The following IL2RB variants were observed in gnomAD, a reference collection of about 807,000 sequenced individuals.
IL2RB encodes interleukin-2 receptor subunit beta.
In IL2RB, 17 loss-of-function variants were observed where a neutral mutation model predicts 44.2. That is an observed-to-expected ratio of 0.38 (90% CI 0.26 to 0.58). The LOEUF is 0.58. Among genes scored for constraint, IL2RB ranks in the 20% least tolerant of loss-of-function variants. The pLI is 0.63. For missense variants in IL2RB, 624 were observed against 685.5 expected, an observed-to-expected ratio of 0.91 and a Z score of 1.00; for synonymous variants, 286 against 297.9, an observed-to-expected ratio of 0.96 and a Z score of 0.41.
chr22:37,153,580 T>G (rs183852813), upstream of IL2RB, among the ~76,000 whole-genome samples: 83 of 152,302 alleles, frequency 5.4e-4, 2 homozygotes, highest in East Asian at 0.011. Context: ...AGAGTAAGGC[T>G]GTCTGGCGGC....
chr22:37,173,384 C>T (rs1923352149), intron 1 of IL2RB, among the ~76,000 whole-genome samples: 1 of 152,164 alleles, frequency 6.6e-6, no homozygotes, highest in East Asian at 1.9e-4. Context: ...GTGCTTAGCA[C>T]AGGGCCAAGC....
rs1014903882 is a variant in IL2RB, at chr22:37,128,881, G to A, written c.904-33C>T. 1.3e-6 allele frequency: 2 copies of A among 1,565,224 alleles called. No homozygotes were observed. Among genetic ancestry groups the A allele is most frequent in the South Asian group, 1.2e-5 (1 of 83,152 alleles). ...GAGAAAGGCCAGGGGTGGGTGAGTG[G>A]GGGCTTCCTTCACCCTCCACCCCTT... On this transcript the variant is annotated intron_variant, in intron 9 of 9. Coordinates refer to ENST00000216223, the MANE Select transcript of IL2RB (RefSeq NM_000878.5). The surrounding 1 kb of genome is among the most constrained non-coding windows in gnomAD (Gnocchi z 4.5).
chr22:37,132,331 C>T, intron 9 of IL2RB, 53 bp downstream of exon 9: 1 of 1,419,946 alleles, frequency 7.0e-7, no homozygotes, highest in East Asian at 2.3e-5. Context: ...CTGCCACCCC[C>T]TCATCCCACT....
At chr22:37,174,136 G>A (rs1286026290) in intron 1 of IL2RB, among the ~76,000 whole-genome samples, 1 of 152,208 alleles carries the variant, frequency 6.6e-6, no homozygotes, top group African/African-American at 2.4e-5. Flanking sequence ...GTGACCAGCT[G>A]TGGCCAATGA....
chr22:37,132,981 A>G (rs1321985410), intron 8 of IL2RB, among the ~76,000 whole-genome samples: 20 of 152,202 alleles, frequency 1.3e-4, no homozygotes. Context: ...GTGAGGCTGA[A>G]TTCCAGCCCA....
chr22:37,154,575 C>CTTTTTTTTTTTTTT (rs57147928), upstream of IL2RB, among the ~76,000 whole-genome samples: 1 of 141,606 alleles, frequency 7.1e-6, no homozygotes, highest in African/African-American at 2.6e-5. Flanking sequence ...CTTTTTTTTT[C>CTTTTTTTTTTTTTT]TTTTTTTTTT....
At chr22:37,163,580 A>G (rs1171484906) in intron 1 of IL2RB, among the ~76,000 whole-genome samples, 1 of 152,180 alleles carries the variant, frequency 6.6e-6, no homozygotes, top group African/African-American at 2.4e-5. Flanking sequence ...GGAGGAATCC[A>G]AACTGGGCAC....
intron 1 of IL2RB, among the ~76,000 whole-genome samples, chr22:37,163,061 C>T (rs1284587404): frequency 6.6e-6 from 1 of 152,258 alleles, no homozygotes; most frequent in African/African-American, 2.4e-5. Flanking sequence ...GCCTCCAACT[C>T]ACTAGGGTCG....
intron 3 of IL2RB, among the ~76,000 whole-genome samples, chr22:37,142,929 T>C (rs1311470275): frequency 6.7e-6 from 1 of 149,948 alleles, no homozygotes; most frequent in Non-Finnish European, 1.5e-5. Context: ...CTCCCCATTT[T>C]CCCCCACCCC....
chr22:37,146,481 C>T (rs1428863706), intron 1 of IL2RB, among the ~76,000 whole-genome samples: 1 of 152,224 alleles, frequency 6.6e-6, no homozygotes, highest in South Asian at 2.1e-4. Context: ...CTCCAGGTGA[C>T]CAGGAAACCG....
chr22:37,135,430 T>TC lies in IL2RB; in HGVS notation c.715dup (p.Asp239GlyfsTer43). On this transcript the variant is annotated frameshift_variant, in exon 8 of 10. Coordinates refer to ENST00000216223, the MANE Select transcript of IL2RB (RefSeq NM_000878.5). LOFTEE classifies it high-confidence loss of function. ...GAGGTGGCCGAGCCACGGAATGGTG[T>TC]CCTTCCCAAGGGCTGCCCAGGGGTG... 1 of 1,612,566 alleles carries TC rather than the reference T, an allele frequency of 6.2e-7. No individual in the cohort carries two copies.
intron 6 of IL2RB, 33 bp downstream of exon 6, chr22:37,137,554 C>G: frequency 6.2e-7 from 1 of 1,611,536 alleles, no homozygotes; most frequent in Non-Finnish European, 8.5e-7. Context: ...GAAGGAGGAA[C>G]CAAGGCAGGT....
In IL2RB at chr22:37,127,991, C is replaced by G. The variant is rs1476295426; in HGVS notation, c.*105G>C. ...TCCGGGTGGAGAAGTCCAGCTGCAACTGGACACTGAGTGTCCTCAGCAGTG... is the reference window on the plus strand; with the variant it reads ...TCCGGGTGGAGAAGTCCAGCTGCAAGTGGACACTGAGTGTCCTCAGCAGTG... On this transcript the variant is annotated 3_prime_UTR_variant, in exon 10 of 10. Transcript: ENST00000216223. The G allele has an allele frequency of 2.1e-6, 2 of 950,540 alleles. No individual in the cohort carries two copies. Among genetic ancestry groups the G allele is most frequent in the East Asian group, 3.3e-5 (1 of 30,706 alleles). The allele number at this position is 950,540 out of a possible 1,614,324, so 58.9% of individuals were successfully genotyped here. A position where few individuals can be genotyped will look rare whatever the true frequency, so the allele number is the denominator to read the frequency against.
intron 8 of IL2RB, among the ~76,000 whole-genome samples, chr22:37,133,916 T>C (rs1346773176): frequency 6.6e-6 from 1 of 152,128 alleles, no homozygotes; most frequent in African/African-American, 2.4e-5. Context: ...CACATGCTGT[T>C]TCCTCTGCCT....
intron 4 of IL2RB, among the ~76,000 whole-genome samples, chr22:37,142,170 G>A (rs539959351): frequency 1.7e-4 from 26 of 152,324 alleles, no homozygotes; most frequent in South Asian, 4.1e-4. Flanking sequence ...CCCACAAAGC[G>A]CAGGGGAGAC....
At chr22:37,138,162 C>T (rs555375183) in intron 5 of IL2RB, among the ~76,000 whole-genome samples, 3 of 152,320 alleles carry the variant, frequency 2.0e-5, no homozygotes, top group Non-Finnish European at 4.4e-5. Flanking sequence ...TTTCTCTGCA[C>T]TTACAATTGA....
intron 1 of IL2RB, among the ~76,000 whole-genome samples, chr22:37,146,490 C>A (rs914774018): frequency 1.3e-5 from 2 of 152,216 alleles, no homozygotes; most frequent in Non-Finnish European, 2.9e-5. Flanking sequence ...ACCAGGAAAC[C>A]GACACTCACC....
chr22:37,142,637 G>A, intron 3 of IL2RB, 125 bp from the exon 4 acceptor site: 1 of 897,900 alleles, frequency 1.1e-6, no homozygotes, highest in Non-Finnish European at 1.8e-6. Context: ...TGGGGCCCCT[G>A]TGCCAACCAC....
intron 1 of IL2RB, among the ~76,000 whole-genome samples, chr22:37,148,375 G>T (rs1001418065): frequency 6.6e-6 from 1 of 152,150 alleles, no homozygotes; most frequent in Non-Finnish European, 1.5e-5. Flanking sequence ...GCCCAGCCTC[G>T]GGTGACAGCA....
Sources: gnomAD v4.1 joint callset for allele counts (sites outside exome capture counted in the v4.1 genomes callset) on GRCh38, gnomAD v4.1.1 for gene constraint, Gnocchi (gnomAD v3.1) non-coding constraint, MANE v1.5 for transcripts, NCBI Gene and HGNC (gene_info 2026-07-23, HGNC 2026-07-21) for gene names.